The following SHARPIN variants were observed in gnomAD, a reference collection of about 807,000 sequenced individuals.
The protein encoded by SHARPIN is hSIPL1.
In SHARPIN, 25 loss-of-function variants were observed where a neutral mutation model predicts 40.3. The observed-to-expected ratio is 0.62, with a 90% confidence interval of 0.45 to 0.87. The LOEUF (loss-of-function observed/expected upper bound fraction) is 0.87. Ranked by LOEUF, SHARPIN falls within the 40% of genes least tolerant of loss-of-function variation. The pLI is 0.00. For synonymous variants in SHARPIN, 274 were observed against 221.8 expected, an observed-to-expected ratio of 1.24 and a Z score of -2.09; for missense variants, 551 against 516.1, an observed-to-expected ratio of 1.07 and a Z score of -0.66.
At chr8:144,103,489 A>G in intron 1 of SHARPIN, 64 bp downstream of exon 1, 1 of 1,489,692 alleles carries the variant, frequency 6.7e-7, no homozygotes, top group Non-Finnish European at 9.0e-7. Flanking sequence ...GAGGGGCCTA[A>G]CTTTGGGCTC....
rs769686381 is a variant in SHARPIN, at chr8:144,103,236, G to A, written c.202-11C>T. On this transcript the variant is annotated splice_polypyrimidine_tract_variant and intron_variant, in intron 1 of 8. Transcript: ENST00000398712. ...CCACTCCAAATTAACCTGAGAAGAG[G>A]GAGAGTCCAGGCTCAGGGCGTCCCC... The A allele has an allele frequency of 4.4e-6, 7 of 1,594,496 alleles. No homozygotes were observed. The highest frequency in any genetic ancestry group is 2.7e-5 in the African/African-American group (2 of 74,174).
chr8:144,103,466 C>T (rs1258748542), intron 1 of SHARPIN, 87 bp downstream of exon 1: 1 of 1,357,118 alleles, frequency 7.4e-7, no homozygotes, highest in African/African-American at 1.4e-5. Context: ...TAAGGGCACC[C>T]AGGTGGCAAG....
At chr8:144,103,379 C>G in intron 1 of SHARPIN, among the ~76,000 whole-genome samples, 154 bp from the exon 2 acceptor site, 1 of 152,236 alleles carries the variant, frequency 6.6e-6, no homozygotes, top group East Asian at 1.9e-4. Context: ...TAAAGTAGGT[C>G]CAGGTAGGTC....
chr8:144,103,264 G>A (rs779278706), intron 1 of SHARPIN, 39 bp from the exon 2 acceptor site: 3 of 1,558,570 alleles, frequency 1.9e-6, no homozygotes, highest in East Asian at 2.2e-5. Flanking sequence ...GCGTCCCCCC[G>A]CCCTACATCG....
chr8:144,099,492 C>T lies in SHARPIN; in HGVS notation c.768+18G>A. On this transcript the variant is annotated intron_variant, in intron 5 of 8. Coordinates refer to ENST00000398712, the MANE Select transcript of SHARPIN (RefSeq NM_030974.4). The stretch of plus-strand genomic sequence containing the variant: ...GGCTCCTCTGCCCCTGGCAGGGCTC[C>T]CCAGACCCTGTGCCCACCTGCTCCT... 3 of 1,611,730 alleles carry T rather than the reference C, an allele frequency of 1.9e-6. No individual in the cohort carries two copies. The highest frequency in any genetic ancestry group is 2.5e-6 in the Non-Finnish European group (3 of 1,178,808).
chr8:144,099,821 G>C lies in SHARPIN; in HGVS notation c.541C>G (p.Arg181Gly). 6.2e-7 allele frequency: 1 copy of C among 1,612,596 alleles called. No individual in the cohort carries two copies. Among genetic ancestry groups the C allele is most frequent in the Non-Finnish European group, 8.5e-7 (1 of 1,179,972 alleles). ...TTCTCGTCTCCACCTGCAATAGCCC[G>C]GGCCAGGCTCCCTGCCAGCTCTTCT... ...EREELAGSLA[R>G]AIAGGDEKGA... is the part of the protein sequence containing the mutation. Residue 181 changes from arginine (R) to glycine (G), a missense_variant, in exon 4 of 9, where the codon CGG becomes GGG. By Grantham distance (125) the Arg-to-Gly change is moderately radical (BLOSUM62 -2). Coordinates refer to ENST00000398712, the MANE Select transcript of SHARPIN (RefSeq NM_030974.4).
chr8:144,098,910 T>G lies in SHARPIN; in HGVS notation c.1132A>C (p.Thr378Pro). 1 of 1,592,592 alleles carries G rather than the reference T, an allele frequency of 6.3e-7. No individual in the cohort carries two copies. Among genetic ancestry groups the G allele is most frequent in the Non-Finnish European group, 8.5e-7 (1 of 1,173,500 alleles). Residue 378 changes from threonine to proline, a missense_variant, in exon 8 of 9, where the codon ACT becomes CCT. Transcript: ENST00000398712. ...CEMCSTQRPC[T>P]WDPLAAAST ...GAAGCTGCAGCAAGGGGGTCCCAAG[T>G]GCAGGGCCTCTGGGTGCTACACATC...
rs1836344735 is a variant in SHARPIN at position 144,103,757 on chromosome 8, C to T, written c.-4G>A. ...CCCCGCCCGCTGGCGGCGCCATCTC[C>T]GGTCCGGCCGGGTCCCACCCCTCCG... is the stretch of plus-strand genomic sequence containing the variant. On this transcript the variant is annotated 5_prime_UTR_variant, in exon 1 of 9. Transcript: ENST00000398712. 1.5e-6 allele frequency: 2 copies of T among 1,369,682 alleles called. No individual in the cohort carries two copies. Among genetic ancestry groups the T allele is most frequent in the African/African-American group, 1.5e-5 (1 of 65,336 alleles). The allele number at this position is 1,369,682 out of a possible 1,614,324, so 84.8% of individuals were successfully genotyped here.
chr8:144,099,077 C>G lies in SHARPIN; in HGVS notation c.1047+4G>C. On this transcript the variant is annotated splice_donor_region_variant and intron_variant, in intron 7 of 8. Transcript: ENST00000398712. Reference sequence around the variant, plus strand: ...TGGCCCTCCCTGCCCAGTCCCGTGCCCACCTGGAGTGGACTGGGCAGGCTG... The same window carrying G: ...TGGCCCTCCCTGCCCAGTCCCGTGCGCACCTGGAGTGGACTGGGCAGGCTG... 1 of 1,568,246 alleles carries G rather than the reference C, an allele frequency of 6.4e-7. No individual in the cohort carries two copies. Among genetic ancestry groups the G allele is most frequent in the Non-Finnish European group, 8.6e-7 (1 of 1,156,456 alleles).
At position 144,103,647 on chromosome 8, in the gene SHARPIN, T is replaced by A. The variant is rs924792628; in HGVS notation, c.107A>T (p.Asp36Val). 3 of 1,524,598 alleles carry A rather than the reference T, an allele frequency of 2.0e-6. No homozygotes were observed. The highest frequency in any genetic ancestry group is 2.8e-5 in the African/African-American group (2 of 70,992). 94.4% of individuals were successfully genotyped at this position (1,524,598 alleles called of 1,614,324 possible). ...AAVRPLGAGP[D>V]AEAQLRRLQL... ...CAGCCTCCGCAGCTGTGCCTCGGCG[T>A]CTGGCCCGGCGCCCAGCGGCCTCAC... Residue 36 changes from aspartate (D) to valine (V), a missense_variant, in exon 1 of 9, where the codon GAC becomes GTC. Coordinates refer to ENST00000398712, the MANE Select transcript of SHARPIN (RefSeq NM_030974.4).
chr8:144,101,399 G>A (rs1283290166), intron 2 of SHARPIN, among the ~76,000 whole-genome samples: 1 of 116,638 alleles, frequency 8.6e-6, no homozygotes, highest in Non-Finnish European at 1.7e-5. Flanking sequence ...ACTACACTCA[G>A]CTAATTTTTT....
chr8:144,099,245 C>T, intron 6 of SHARPIN, 32 bp downstream of exon 6: 1 of 1,613,358 alleles, frequency 6.2e-7, no homozygotes, highest in Non-Finnish European at 8.5e-7. Context: ...CTGCACCCCA[C>T]CTCCCACACC....
intron 3 of SHARPIN, 36 bp downstream of exon 3, chr8:144,099,893 T>TGCCCCCCCCCC: frequency 6.4e-7 from 1 of 1,550,982 alleles, no homozygotes; most frequent in Non-Finnish European, 8.8e-7. Flanking sequence ...CTATCTGCTA[T>TGCCCCCCCCCC]CCCCGAACCC....
chr8:144,098,902 G>A lies in SHARPIN; in HGVS notation c.1140C>T (p.Asp380=), dbSNP rs1836223194. Residue 380 remains aspartate (D), a synonymous_variant, in exon 8 of 9, where the codon GAC becomes GAT. Transcript: ENST00000398712. ...GCTAGGTGGAAGCTGCAGCAAGGGGGTCCCAAGTGCAGGGCCTCTGGGTGC... is the reference window on the plus strand; with the variant it reads ...GCTAGGTGGAAGCTGCAGCAAGGGGATCCCAAGTGCAGGGCCTCTGGGTGC... ...MCSTQRPCTW[D]PLAAAST The A allele has an allele frequency of 1.0e-5, 16 of 1,590,802 alleles. No homozygotes were observed. The highest frequency in any genetic ancestry group is 1.4e-5 in the Non-Finnish European group (16 of 1,172,400).
At position 144,099,815 on chromosome 8, in the gene SHARPIN, T is replaced by G. The variant is rs762440714; in HGVS notation, c.547A>C (p.Ile183Leu). The G allele has an allele frequency of 6.2e-7, 1 of 1,612,724 alleles. No homozygotes were observed. The highest frequency in any genetic ancestry group is 1.1e-5 in the South Asian group (1 of 91,082). ...GCCCCCTTCTCGTCTCCACCTGCAATAGCCCGGGCCAGGCTCCCTGCCAGC... is the reference window on the plus strand; with the variant it reads ...GCCCCCTTCTCGTCTCCACCTGCAAGAGCCCGGGCCAGGCTCCCTGCCAGC... ...EELAGSLARAIAGGDEKGAAQ... is the reference protein window; with the variant it reads ...EELAGSLARALAGGDEKGAAQ... Residue 183 changes from isoleucine (I) to leucine (L), a missense_variant, in exon 4 of 9, where the codon ATT becomes CTT. Coordinates refer to ENST00000398712, the MANE Select transcript of SHARPIN (RefSeq NM_030974.4).
chr8:144,101,408 T>TTC (rs1836284817), intron 2 of SHARPIN, among the ~76,000 whole-genome samples: 1 of 139,638 alleles, frequency 7.2e-6, no homozygotes, highest in Non-Finnish European at 1.6e-5. Flanking sequence ...AGCTAATTTT[T>TTC]TTTTTTTTTT....
In SHARPIN at chr8:144,103,202, C is replaced by T. The variant is rs749678393; in HGVS notation, c.225G>A (p.Glu75=). The change falls in exon 2 of 9, where the codon GAG becomes GAA. Residue 75 remains glutamate (E), a synonymous_variant. Transcript: ENST00000398712. ...GGCCTCGGATGGTGTAGGAAACTGA[C>T]TCCAGGGGCCACTCCAAATTAACCT... ...PGAVNLEWPL[E]SVSYTIRGPT... 7 of 1,609,830 alleles carry T rather than the reference C, an allele frequency of 4.3e-6. No individual in the cohort carries two copies. Among genetic ancestry groups the T allele is most frequent in the Non-Finnish European group, 5.9e-6 (7 of 1,177,964 alleles).
At chr8:144,099,643 A>T in intron 4 of SHARPIN, 25 bp from the exon 5 acceptor site, 1 of 1,613,456 alleles carries the variant, frequency 6.2e-7, no homozygotes, top group South Asian at 1.1e-5. Flanking sequence ...GGGTTCAGGG[A>T]TGGATGGGGG....
intron 2 of SHARPIN, 155 bp downstream of exon 2, chr8:144,102,896 T>A: frequency 1.1e-6 from 1 of 880,712 alleles, no homozygotes; most frequent in Non-Finnish European, 1.8e-6. Flanking sequence ...CAGCAGCCAC[T>A]CCAAGTACTC....
Sources: gnomAD v4.1 joint callset for allele counts (sites outside exome capture counted in the v4.1 genomes callset) on GRCh38, gnomAD v4.1.1 for gene constraint, MANE v1.5 for transcripts, NCBI Gene and HGNC (gene_info 2026-07-23, HGNC 2026-07-21) for gene names.